The following ADAM20 variants were observed in gnomAD, a reference collection of about 807,000 sequenced individuals.
The protein encoded by ADAM20 is disintegrin and metalloproteinase domain-containing protein 20.
For missense variants in ADAM20, 871 were observed against 883.2 expected, an observed-to-expected ratio of 0.99 and a Z score of 0.18; for synonymous variants, 305 against 310.2, an observed-to-expected ratio of 0.98 and a Z score of 0.18.
chr14:70,560,853 C>G, the ADAM20 span, among the ~76,000 whole-genome samples: 2 of 152,158 alleles, frequency 1.3e-5, no homozygotes, highest in African/African-American at 4.8e-5. Context: ...AATTAAACCT[C>G]CTTTCTTTAT....
At chr14:70,528,712 A>T (rs1207650497) in intron 1 of ADAM20, among the ~76,000 whole-genome samples, 1 of 152,202 alleles carries the variant, frequency 6.6e-6, no homozygotes, top group East Asian at 1.9e-4. Context: ...AGGTTTTGAC[A>T]AGGACACAGT....
At chr14:70,539,997 C>T (rs558178843), upstream of ADAM20, among the ~76,000 whole-genome samples, 89 of 152,292 alleles carry the variant, frequency 5.8e-4, 3 homozygotes, top group Middle Eastern at 0.041. Context: ...AAGAGAGAGC[C>T]CTGTTGCATT....
At position 70,523,551 on chromosome 14, in the gene ADAM20, T is replaced by G. The variant is rs751610956; in HGVS notation, c.1207A>C (p.Asn403His). The change falls in exon 2 of 2, where the codon AAT becomes CAT. Residue 403 changes from asparagine (N) to histidine (H), a missense_variant. Asn to His is a moderately conservative substitution (Grantham distance 68). Transcript: ENST00000256389. ...CCACAGTACTTCAGTCTAAATATAT[T>G]CCCTGGATATGGAGGCGGTTGAATA... ...LCIQPPPYPG[N>H]IFRLKYCGNL... 1.1e-5 allele frequency: 17 copies of G among 1,614,070 alleles called. No individual in the cohort carries two copies. Among genetic ancestry groups the G allele is most frequent in the Admixed American group, 1.7e-5 (1 of 59,992 alleles).
At position 70,531,946 on chromosome 14, in the gene ADAM20, T is replaced by C. The variant is rs138901494; in HGVS notation, c.-177+2851A>G. On this transcript the variant is annotated intron_variant, in intron 1 of 1. Transcript: ENST00000256389. ...TATCCAAAGCAATCTACAGATTCAA[T>C]AGAATCCCTAACAAAATCTCAGTGG... 2.0e-3 allele frequency among the ~76,000 whole-genome samples: 298 copies of C among 152,196 alleles called. 2 individuals are homozygous for C. The highest frequency in any genetic ancestry group is 6.9e-3 in the African/African-American group (286 of 41,530).
At chr14:70,563,894 G>C in the ADAM20 span, among the ~76,000 whole-genome samples, 1 of 152,176 alleles carries the variant, frequency 6.6e-6, no homozygotes, top group Non-Finnish European at 1.5e-5. Flanking sequence ...CCTAATTTCA[G>C]GTATTTCTTT....
rs767624174 is a variant in ADAM20 at position 70,524,741 on chromosome 14, G to A, written c.17C>T (p.Pro6Leu). 6.2e-7 allele frequency: 1 copy of A among 1,613,790 alleles called. No individual in the cohort carries two copies. The highest frequency in any genetic ancestry group is 8.5e-7 in the Non-Finnish European group (1 of 1,179,946). Residue 6 changes from proline (P) to leucine (L), a missense_variant, in exon 2 of 2, where the codon CCC becomes CTC. Coordinates refer to ENST00000256389, the MANE Select transcript of ADAM20 (RefSeq NM_003814.5). ...AAGAGTGACCCTGATGTGCACCAGGGGCTCACCCACTGCCATTATGAAGCT... is the reference window on the plus strand; with the variant it reads ...AAGAGTGACCCTGATGTGCACCAGGAGCTCACCCACTGCCATTATGAAGCT... MAVGE[P>L]LVHIRVTLLL...
At chr14:70,578,624 A>T in the ADAM20 span, among the ~76,000 whole-genome samples, 1 of 152,150 alleles carries the variant, frequency 6.6e-6, no homozygotes, top group Non-Finnish European at 1.5e-5. Context: ...AGAATCTATA[A>T]GGATCTTAAA....
the ADAM20 span, among the ~76,000 whole-genome samples, chr14:70,546,269 G>T: frequency 6.6e-6 from 1 of 152,326 alleles, no homozygotes; most frequent in African/African-American, 2.4e-5. Context: ...ACAGGTCTCA[G>T]TTAATTTAGA....
At chr14:70,573,722 GCA>G in the ADAM20 span, among the ~76,000 whole-genome samples, 2 of 152,150 alleles carry the variant, frequency 1.3e-5, no homozygotes, top group Non-Finnish European at 2.9e-5. Flanking sequence ...AATTAAAAGA[GCA>G]CAGAGGTGGC....
the ADAM20 span, among the ~76,000 whole-genome samples, chr14:70,558,802 T>C: frequency 6.6e-6 from 1 of 151,928 alleles, no homozygotes; most frequent in Non-Finnish European, 1.5e-5. Context: ...TTTGACAGAG[T>C]TGATGACTTC....
the ADAM20 span, among the ~76,000 whole-genome samples, chr14:70,557,939 G>C: frequency 1.3e-5 from 2 of 152,148 alleles, no homozygotes; most frequent in Non-Finnish European, 1.5e-5. Flanking sequence ...AACAGGCACT[G>C]AATTTTTTAA....
the ADAM20 span, among the ~76,000 whole-genome samples, chr14:70,541,789 C>T: frequency 7.2e-5 from 11 of 152,130 alleles, no homozygotes; most frequent in Non-Finnish European, 1.3e-4. Context: ...TCTTACTGTA[C>T]ATTATCAGTA....
chr14:70,547,581 T>C, the ADAM20 span: 15 of 73,750 alleles, frequency 2.0e-4, 1 homozygote, highest in Admixed American at 1.1e-3. Context: ...CACCCGAATA[T>C]TGCGCTTTTC....
At chr14:70,577,774 C>A in the ADAM20 span, among the ~76,000 whole-genome samples, 1 of 152,088 alleles carries the variant, frequency 6.6e-6, no homozygotes, top group African/African-American at 2.4e-5. Flanking sequence ...CAAGACTATT[C>A]AATGGAAAAA....
At chr14:70,546,210 TAA>T in the ADAM20 span, among the ~76,000 whole-genome samples, 2 of 152,150 alleles carry the variant, frequency 1.3e-5, no homozygotes, top group Non-Finnish European at 2.9e-5. Flanking sequence ...AAAGCCATAC[TAA>T]GAGAGAAGTT....
the ADAM20 span, among the ~76,000 whole-genome samples, chr14:70,573,481 C>G: frequency 1.3e-5 from 2 of 152,058 alleles, no homozygotes; most frequent in Admixed American, 6.6e-5. Context: ...TTGGGTACTA[C>G]GTTTATTATT....
Position 70,523,431 on chromosome 14 carries a change from G to A in ADAM20, c.1327C>T (p.Pro443Ser), listed in dbSNP as rs746138082. 2 of 1,614,014 alleles carry A rather than the reference G, an allele frequency of 1.2e-6. No individual in the cohort carries two copies. The highest frequency in any genetic ancestry group is 1.1e-5 in the South Asian group (1 of 91,084). The change falls in exon 2 of 2, where the codon CCT becomes TCT. Residue 443 changes from proline (P) to serine (S), a missense_variant. Pro to Ser is a moderately conservative substitution (Grantham distance 74). Transcript: ENST00000256389. Reference sequence around the variant, plus strand: ...ATTCCAAAAGCACAAGCAGCCCCAGGATGTAGAGTACAGTTTAACAGACAA... The same window carrying A: ...ATTCCAAAAGCACAAGCAGCCCCAGAATGTAGAGTACAGTTTAACAGACAA... ...PCCLLNCTLHPGAACAFGICC... is the reference protein window; with the variant it reads ...PCCLLNCTLHSGAACAFGICC...
the ADAM20 span, among the ~76,000 whole-genome samples, chr14:70,573,143 T>C: frequency 3.3e-5 from 5 of 152,192 alleles, no homozygotes; most frequent in Non-Finnish European, 7.3e-5. Context: ...TGTATGTTTA[T>C]CACTGCACTA....
In ADAM20 at chr14:70,523,218, G is replaced by A. The variant is rs1212109496; in HGVS notation, c.1540C>T (p.Gln514Ter). The A allele has an allele frequency of 2.5e-6, 4 of 1,613,826 alleles. No individual in the cohort carries two copies. The highest frequency in any genetic ancestry group is 3.4e-6 in the Non-Finnish European group (4 of 1,179,938). Residue 514 changes from glutamine to a stop codon, truncating the protein, a stop_gained, in exon 2 of 2, where the codon CAA becomes TAA. Transcript: ENST00000256389. LOFTEE classifies it low-confidence loss of function (END_TRUNC). ...YEKTCNNHDI[Q>*]CKEIFGQDAR... Reference sequence around the variant, plus strand: ...TCTTGGCCAAAAATCTCTTTACATTGTATATCATGGTTATTACACGTCTTT... The same window carrying A: ...TCTTGGCCAAAAATCTCTTTACATTATATATCATGGTTATTACACGTCTTT...
Sources: gnomAD v4.1 joint callset for allele counts (sites outside exome capture counted in the v4.1 genomes callset) on GRCh38, gnomAD v4.1.1 for gene constraint, MANE v1.5 for transcripts, NCBI Gene and HGNC (gene_info 2026-07-23, HGNC 2026-07-21) for gene names.